Variants in UBR1 observed in about 807,000 individuals in gnomAD.
UBR1 encodes the protein E3 ubiquitin-protein ligase UBR1.
Under a neutral mutation model 242.1 loss-of-function variants are expected in UBR1, and 102 were observed. The ratio of observed to expected loss-of-function variants is 0.42; its 90% CI spans 0.36 to 0.50. The LOEUF is 0.50. UBR1 is among the 20% of genes least tolerant of loss of function. UBR1 has a pLI of 0.01. For missense variants in UBR1, 1,772 were observed against 2,101.8 expected, an observed-to-expected ratio of 0.84 and a Z score of 3.07; for synonymous variants, 675 against 684.8, an observed-to-expected ratio of 0.99 and a Z score of 0.22.
chr15:43,086,899 C>G (rs1376687788), intron 1 of UBR1, among the ~76,000 whole-genome samples: 1 of 152,186 alleles, frequency 6.6e-6, no homozygotes, highest in Non-Finnish European at 1.5e-5. Flanking sequence ...AGTCCCATCT[C>G]AGGAGGCTGA....
intron 13 of UBR1, among the ~76,000 whole-genome samples, 171 bp from the exon 14 acceptor site, chr15:43,047,460 A>G (rs373553618): frequency 1.3e-5 from 2 of 152,358 alleles, no homozygotes; most frequent in East Asian, 3.9e-4. Flanking sequence ...GGGTTAGAAC[A>G]TTAACCGCAA....
At chr15:42,947,092 A>G (rs2031750737) in intron 46 of UBR1, among the ~76,000 whole-genome samples, 2 of 152,178 alleles carry the variant, frequency 1.3e-5, no homozygotes, top group African/African-American at 4.8e-5. Flanking sequence ...TAGACGTTGC[A>G]GTGAGCCGAG....
chr15:43,066,612 C>G (rs1353937621), intron 6 of UBR1, among the ~76,000 whole-genome samples: 3 of 152,026 alleles, frequency 2.0e-5, no homozygotes, highest in African/African-American at 4.8e-5. Flanking sequence ...TGTTTTTTCC[C>G]ATTTGTTCGT....
intron 12 of UBR1, among the ~76,000 whole-genome samples, chr15:43,052,199 G>A (rs1428797620): frequency 6.6e-6 from 1 of 152,172 alleles, no homozygotes; most frequent in Non-Finnish European, 1.5e-5. Flanking sequence ...GTTCAGTAGA[G>A]AAGGACAATG....
At chr15:42,952,734 T>C (rs928734104) in intron 44 of UBR1, among the ~76,000 whole-genome samples, 3 of 152,170 alleles carry the variant, frequency 2.0e-5, no homozygotes, top group African/African-American at 7.2e-5. Context: ...TGCCTTGTGA[T>C]TGAGATTCAC....
chr15:42,974,035 C>G (rs995618275), intron 39 of UBR1, among the ~76,000 whole-genome samples: 7 of 151,730 alleles, frequency 4.6e-5, no homozygotes, highest in African/African-American at 1.7e-4. Context: ...ACTACAGGCA[C>G]CCGCCACCAC....
chr15:43,009,057 G>A (rs557330377), intron 29 of UBR1, among the ~76,000 whole-genome samples: 6 of 152,338 alleles, frequency 3.9e-5, no homozygotes, highest in African/African-American at 1.4e-4. Context: ...CAAATGGCAG[G>A]ACTGAAAGAG....
chr15:43,030,104 A>G, intron 20 of UBR1, 36 bp from the exon 21 acceptor site: 2 of 1,597,740 alleles, frequency 1.3e-6, no homozygotes, highest in Non-Finnish European at 1.7e-6. Context: ...AAAAAGTAGA[A>G]TAATTATTTT....
intron 41 of UBR1, among the ~76,000 whole-genome samples, chr15:42,965,077 T>C (rs2032083474): frequency 6.6e-6 from 1 of 152,230 alleles, no homozygotes; most frequent in African/African-American, 2.4e-5. Context: ...CATGACTTTT[T>C]TGTATGTGAG....
chr15:43,065,626 C>A (rs1336247959), intron 6 of UBR1, among the ~76,000 whole-genome samples: 5 of 152,288 alleles, frequency 3.3e-5, no homozygotes, highest in African/African-American at 1.2e-4. Context: ...TCTTTTCCTG[C>A]ATTAGTTTGC....
chr15:43,005,243 G>T (rs1013341379), intron 30 of UBR1, among the ~76,000 whole-genome samples: 18 of 151,544 alleles, frequency 1.2e-4, no homozygotes, highest in African/African-American at 3.6e-4. Context: ...TCCAGGAGGT[G>T]GGGGGGCAGC....
chr15:43,025,784 G>A, intron 23 of UBR1: 2 of 216,032 alleles, frequency 9.3e-6, no homozygotes, highest in Non-Finnish European at 1.8e-5. Context: ...ATCCTTCATG[G>A]GACAAAAAGA....
chr15:43,006,506 G>T (rs1364226892), intron 30 of UBR1, among the ~76,000 whole-genome samples: 1 of 152,192 alleles, frequency 6.6e-6, no homozygotes, highest in Non-Finnish European at 1.5e-5. Context: ...CTGAGCTCAA[G>T]TGATCCACCC....
chr15:42,987,297 C>A lies in UBR1; in HGVS notation c.3997+1522G>T, dbSNP rs753198913. 2.0e-5 allele frequency among the ~76,000 whole-genome samples: 3 copies of A among 152,194 alleles called. No homozygotes were observed. The South Asian group carries it at 6.2e-4, about 31-fold the overall frequency. On this transcript the variant is annotated intron_variant, in intron 35 of 46. Coordinates refer to ENST00000290650, the MANE Select transcript of UBR1 (RefSeq NM_174916.3). ...CACTCATAGGAGCCCTCTGAGGGCA[C>A]CGGTAGGGGGTCTGCTAAGGGCAGG...
chr15:43,025,415 C>T lies in UBR1; in HGVS notation c.2550G>A (p.Gln850=), dbSNP rs753907658. 1.2e-6 allele frequency: 2 copies of T among 1,607,634 alleles called. No individual in the cohort carries two copies. Among genetic ancestry groups the T allele is most frequent in the East Asian group, 2.2e-5 (1 of 44,718 alleles). ...KTQHSKAEHM[Q]KKRRKQENKD... Reference sequence around the variant, plus strand: ...TGTTTTCTTGTTTTCTCCTTTTCTTCTGCATATGTTCAGCCTATAAAAAAA... The same window carrying T: ...TGTTTTCTTGTTTTCTCCTTTTCTTTTGCATATGTTCAGCCTATAAAAAAA... Residue 850 remains glutamine (Q), a synonymous_variant, in exon 24 of 47, where the codon CAG becomes CAA. Coordinates refer to ENST00000290650, the MANE Select transcript of UBR1 (RefSeq NM_174916.3).
Position 43,003,873 on chromosome 15 carries a change from C to A in UBR1, c.3473G>T (p.Ser1158Ile). Residue 1158 changes from serine to isoleucine, a missense_variant, in exon 31 of 47, where the codon AGC becomes ATC. Around this residue, in one of 3 missense-constraint regions of UBR1, gnomAD observed 965 missense variants for 1,079.7 expected, o/e 0.89. Transcript: ENST00000290650. ...PDLAYGTYTGSCGHVMHAVCW... is the reference protein window; with the variant it reads ...PDLAYGTYTGICGHVMHAVCW... ...CACTGCGTGCATTACATGACCACAGCTTCCTGTATAAGTTCCATATGCCAA... is the reference window on the plus strand; with the variant it reads ...CACTGCGTGCATTACATGACCACAGATTCCTGTATAAGTTCCATATGCCAA... The A allele has an allele frequency of 1.2e-6, 2 of 1,614,136 alleles. No individual in the cohort carries two copies. Among genetic ancestry groups the A allele is most frequent in the Non-Finnish European group, 1.7e-6 (2 of 1,180,022 alleles).
chr15:42,990,466 C>T (rs1294158081), intron 33 of UBR1, among the ~76,000 whole-genome samples: 2 of 152,180 alleles, frequency 1.3e-5, no homozygotes, highest in African/African-American at 4.8e-5. Flanking sequence ...AGCCACTGTG[C>T]CCAAGCTTTC....
At chr15:43,027,399 T>G (rs554825849) in intron 22 of UBR1, among the ~76,000 whole-genome samples, 91 of 152,066 alleles carry the variant, frequency 6.0e-4, no homozygotes, top group Admixed American at 4.8e-3. Context: ...ATGAAAATAT[T>G]ATAAAATACT....
chr15:43,082,556 GA>G, intron 3 of UBR1, 81 bp downstream of exon 3: 1 of 1,041,162 alleles, frequency 9.6e-7, no homozygotes, highest in African/African-American at 1.6e-5. Context: ...GTTATAGCAG[GA>G]ATGTGAATAC....
Sources: allele counts gnomAD v4.1 joint callset (sites outside exome capture counted in the v4.1 genomes callset), GRCh38; gene constraint gnomAD v4.1.1; regional missense constraint gnomAD v4.1.1; transcripts MANE v1.5; gene names NCBI Gene and HGNC (gene_info 2026-07-23, HGNC 2026-07-21).